Variants in PTPRD observed in about 807,000 individuals in gnomAD.
PTPRD encodes protein tyrosine phosphatase receptor type D.
A neutral mutation model predicts 214.5 loss-of-function variants in PTPRD; 34 were observed. The ratio of observed to expected loss-of-function variants is 0.16; its 90% CI spans 0.12 to 0.21. PTPRD has a LOEUF of 0.21. PTPRD is among the 10% of genes least tolerant of loss of function. The pLI is 1.00. For missense variants in PTPRD, 2,545 were observed against 2,398.7 expected, an observed-to-expected ratio of 1.06 and a Z score of -1.27; for synonymous variants, 1,128 against 845.7, an observed-to-expected ratio of 1.33 and a Z score of -5.79.
At position 8,317,184 on chromosome 9, in the gene PTPRD, A is replaced by G. The variant is rs1459750698; in HGVS notation, c.*690T>C. On this transcript the variant is annotated 3_prime_UTR_variant, in exon 46 of 46. Transcript: ENST00000381196. ...TGTGCAAATTTTCAAATGATTTGAT[A>G]TTTCTACAGCAAGATATTACAGATA... 8.6e-6 allele frequency: 2 copies of G among 231,992 alleles called. No individual in the cohort carries two copies. The highest frequency in any genetic ancestry group is 1.7e-5 in the Non-Finnish European group (2 of 117,082). 14.4% of individuals were successfully genotyped at this position (231,992 alleles called of 1,614,324 possible). A position where few individuals can be genotyped will look rare whatever the true frequency, so the allele number is the denominator to read the frequency against.
chr9:9,484,886 G>C (rs1031032139), intron 8 of PTPRD, among the ~76,000 whole-genome samples: 2 of 152,054 alleles, frequency 1.3e-5, no homozygotes, highest in Non-Finnish European at 2.9e-5. Context: ...TAAACAATAG[G>C]CTTCTACAGA....
intron 8 of PTPRD, among the ~76,000 whole-genome samples, chr9:9,542,916 G>T (rs995428681): frequency 6.6e-6 from 1 of 151,572 alleles, no homozygotes; most frequent in African/African-American, 2.4e-5. Flanking sequence ...TTGCCACTTC[G>T]TTATAAAGCT....
chr9:9,446,306 T>C (rs2090380632), intron 8 of PTPRD, among the ~76,000 whole-genome samples: 1 of 152,264 alleles, frequency 6.6e-6, no homozygotes, highest in African/African-American at 2.4e-5. Context: ...AATAGTGGCC[T>C]AAAGATAGGT....
chr9:9,041,259 A>G (rs1334604297), intron 10 of PTPRD, among the ~76,000 whole-genome samples: 1 of 152,054 alleles, frequency 6.6e-6, no homozygotes, highest in East Asian at 1.9e-4. Flanking sequence ...CGGGTTTGTT[A>G]TGCAGGTAAA....
chr9:8,419,774 G>C (rs1170544656), intron 35 of PTPRD, among the ~76,000 whole-genome samples: 1 of 151,924 alleles, frequency 6.6e-6, no homozygotes. Context: ...TGCCAGGGAA[G>C]CATAATAGAG....
intron 23 of PTPRD, among the ~76,000 whole-genome samples, chr9:8,501,420 A>G (rs2097403598): frequency 6.6e-6 from 1 of 152,112 alleles, no homozygotes; most frequent in Non-Finnish European, 1.5e-5. Context: ...CCCAGCTTCA[A>G]AAAAGCTGCA....
chr9:9,911,073 G>T (rs2079053242), intron 5 of PTPRD, among the ~76,000 whole-genome samples: 1 of 151,858 alleles, frequency 6.6e-6, no homozygotes, highest in African/African-American at 2.4e-5. Context: ...AGTCTGCTTG[G>T]CTTGTAATCC....
At chr9:8,338,171 G>A (rs1041841597) in intron 43 of PTPRD, among the ~76,000 whole-genome samples, 2 of 152,078 alleles carry the variant, frequency 1.3e-5, no homozygotes, top group Non-Finnish European at 2.9e-5. Flanking sequence ...CCCACCCACT[G>A]TGACAGTTCC....
chr9:10,456,348 G>T (rs1037454536), intron 2 of PTPRD, among the ~76,000 whole-genome samples: 1 of 151,824 alleles, frequency 6.6e-6, no homozygotes. Flanking sequence ...TCTGCATAAC[G>T]TGTATTGCAC....
intron 2 of PTPRD, among the ~76,000 whole-genome samples, chr9:10,567,592 C>A (rs1350507288): frequency 6.6e-6 from 1 of 151,928 alleles, no homozygotes; most frequent in East Asian, 1.9e-4. Flanking sequence ...ATGAGTTGGT[C>A]TCTAAAGTTA....
At chr9:9,514,110 T>G (rs931327332) in intron 8 of PTPRD, among the ~76,000 whole-genome samples, 1 of 152,080 alleles carries the variant, frequency 6.6e-6, no homozygotes, top group Non-Finnish European at 1.5e-5. Flanking sequence ...GTGAAAATGT[T>G]GTTGCCCCCA....
intron 10 of PTPRD, among the ~76,000 whole-genome samples, chr9:9,105,579 C>T (rs534971761): frequency 6.6e-6 from 1 of 152,294 alleles, no homozygotes; most frequent in East Asian, 1.9e-4. Flanking sequence ...TTGAAATTAT[C>T]GTCATTTGTG....
At chr9:8,479,320 T>C (rs973905625) in intron 30 of PTPRD, among the ~76,000 whole-genome samples, 2 of 152,224 alleles carry the variant, frequency 1.3e-5, no homozygotes, top group Admixed American at 1.3e-4. Context: ...ACTCAAGTAC[T>C]TTCCTGATTT....
At position 9,374,075 on chromosome 9, in the gene PTPRD, A is replaced by C. The variant is rs542262220; in HGVS notation, c.-203+23374T>G. Among the ~76,000 whole-genome samples, 4 of 152,188 alleles carry C rather than the reference A, an allele frequency of 2.6e-5. No homozygotes were observed. The South Asian group carries it at 8.3e-4, about 32-fold the overall frequency. ...ATAAATTAAGAAAAATGGTACATCC[A>C]TATTATGGAATTGTACGCAACCATA... On this transcript the variant is annotated intron_variant, in intron 9 of 45. Coordinates refer to ENST00000381196, the MANE Select transcript of PTPRD (RefSeq NM_002839.4).
chr9:9,351,062 TG>T (rs2050906767), intron 9 of PTPRD, among the ~76,000 whole-genome samples: 1 of 152,150 alleles, frequency 6.6e-6, no homozygotes, highest in South Asian at 2.1e-4. Flanking sequence ...ACCTTTGGCT[TG>T]GGGAATAGGG....
intron 5 of PTPRD, among the ~76,000 whole-genome samples, chr9:9,888,113 C>T (rs768719219): frequency 6.6e-6 from 1 of 152,144 alleles, no homozygotes; most frequent in East Asian, 1.9e-4. Flanking sequence ...CCCTTCAGTC[C>T]TAAGGGAAGA....
intron 35 of PTPRD, among the ~76,000 whole-genome samples, chr9:8,422,889 C>T (rs1237409477): frequency 1.3e-5 from 2 of 152,136 alleles, no homozygotes; most frequent in Non-Finnish European, 2.9e-5. Flanking sequence ...TTCCCTTATG[C>T]AGCACCCTAA....
Position 8,901,006 on chromosome 9 carries a change from G to T in PTPRD, c.-104+117691C>A, listed in dbSNP as rs116213792. ...ATGATGATAGCATTGATATCAGTAGGCTTTATCAGATTGGAAAAGGGGATA... is the reference window on the plus strand; with the variant it reads ...ATGATGATAGCATTGATATCAGTAGTCTTTATCAGATTGGAAAAGGGGATA... On this transcript the variant is annotated intron_variant, in intron 11 of 45. Coordinates refer to ENST00000381196, the MANE Select transcript of PTPRD (RefSeq NM_002839.4). Among the ~76,000 whole-genome samples, 230 of 152,226 alleles carry T rather than the reference G, an allele frequency of 1.5e-3. 1 individual carries two copies. The highest frequency in any genetic ancestry group is 5.2e-3 in the African/African-American group (217 of 41,532).
intron 44 of PTPRD, among the ~76,000 whole-genome samples, chr9:8,322,585 T>A (rs551001586): frequency 6.6e-6 from 1 of 152,168 alleles, no homozygotes; most frequent in African/African-American, 2.4e-5. Context: ...AAGAAAAGTT[T>A]GAAGTTAGCA....
Sources: gnomAD v4.1 joint callset for allele counts (sites outside exome capture counted in the v4.1 genomes callset) on GRCh38, gnomAD v4.1.1 for gene constraint, MANE v1.5 for transcripts, NCBI Gene and HGNC (gene_info 2026-07-23, HGNC 2026-07-21) for gene names.